Variants in TMEM150B observed in about 807,000 individuals in gnomAD.
TMEM150B encodes the protein modulator of macroautophagy TMEM150B.
TMEM150B carries 33 observed loss-of-function variants against 25.2 expected under a neutral mutation model. That is an observed-to-expected ratio of 1.31 (90% CI 0.99 to 1.75). TMEM150B has a LOEUF of 1.75. Among genes scored for constraint, TMEM150B ranks in the 40% most tolerant of loss-of-function variants. TMEM150B has a pLI of 0.00. For missense variants in TMEM150B, 322 were observed against 306.1 expected (o/e 1.05, Z -0.39); for synonymous variants, 133 against 134.8 (o/e 0.99, Z 0.09).
intron 1 of TMEM150B, chr19:55,324,679 A>T: frequency 2.1e-6 from 2 of 947,744 alleles, no homozygotes; most frequent in South Asian, 9.8e-5. Context: ...AAATAAATAA[A>T]ATAAAAAATA....
At chr19:55,312,718 C>T, downstream of TMEM150B, 2 of 946,376 alleles carry the variant, frequency 2.1e-6, no homozygotes, top group South Asian at 3.5e-5. Context: ...CACACAGGTC[C>T]TCCGGCTCCA....
At position 55,320,052 on chromosome 19, in the gene TMEM150B, A is replaced by G. The variant is rs373133465; in HGVS notation, c.311T>C (p.Val104Ala). The G allele has an allele frequency of 1.4e-5, 23 of 1,613,988 alleles. No individual in the cohort carries two copies. The African/African-American group carries it at 3.1e-4, about 22-fold the overall frequency. Residue 104 changes from valine to alanine, a missense_variant, in exon 6 of 8, where the codon GTA becomes GCA. Val to Ala is a moderately conservative substitution (Grantham distance 64). Transcript: ENST00000326652. ...ACTGGGTCTCACCTGGAAATTGCCT[A>G]CCACGGAGGTGCCCAGGGCACACAG... ...GLLCALGTSV[V>A]GNFQEKNQRP... is the part of the protein sequence containing the mutation.
At chr19:55,319,951 G>T (rs1434024853) in intron 6 of TMEM150B, 88 bp downstream of exon 6, 2 of 1,572,626 alleles carry the variant, frequency 1.3e-6, no homozygotes, top group East Asian at 2.3e-5. Context: ...CAGCCCCCGA[G>T]ACAATAAGCC....
rs1229629983 is a variant in TMEM150B, at chr19:55,321,073, G to T, written c.-37C>A. The T allele has an allele frequency of 2.0e-5, 32 of 1,597,114 alleles. No individual in the cohort carries two copies. In the Admixed American group the frequency reaches 5.6e-4, roughly 28 times the overall value. ...CAGGTGAAGGATCGGGGCTGAGGCT[G>T]GACACCTGTCTCTCTCACACCTGAA... On this transcript the variant is annotated 5_prime_UTR_variant, in exon 3 of 8. Coordinates refer to ENST00000326652, the MANE Select transcript of TMEM150B (RefSeq NM_001282011.2).
chr19:55,320,890 C>G, intron 3 of TMEM150B, 79 bp downstream of exon 3: 1 of 1,522,004 alleles, frequency 6.6e-7, no homozygotes, highest in Non-Finnish European at 8.9e-7. Context: ...CCAACCCCTT[C>G]CTCCCTCAGA....
In TMEM150B at chr19:55,325,272, C is replaced by G. The variant is rs536183198; in HGVS notation, c.-154G>C. ...AAGTTGGGAATTAGGCCCCACTCAC[C>G]GGCCACGGGTAGGTTGGGTGTCTGG... On this transcript the variant is annotated splice_region_variant and 5_prime_UTR_variant, in exon 1 of 8. Transcript: ENST00000326652. 1.0e-6 allele frequency: 1 copy of G among 985,234 alleles called. No homozygotes were observed. 61.0% of individuals were successfully genotyped at this position (985,234 alleles called of 1,614,324 possible).
intron 2 of TMEM150B, 118 bp from the exon 3 acceptor site, chr19:55,321,211 C>A: frequency 1.5e-6 from 2 of 1,356,780 alleles, no homozygotes; most frequent in Non-Finnish European, 1.9e-6. Context: ...TTGGCCAGCT[C>A]TCCATTTCCA....
At chr19:55,323,128 G>A (rs2089248918) in intron 1 of TMEM150B, among the ~76,000 whole-genome samples, 1 of 152,148 alleles carries the variant, frequency 6.6e-6, no homozygotes, top group Non-Finnish European at 1.5e-5. Context: ...CATAACATTA[G>A]CCATTTTAAA....
chr19:55,316,752 C>A (rs771857964), intron 7 of TMEM150B, 34 bp downstream of exon 7: 3 of 1,448,232 alleles, frequency 2.1e-6, no homozygotes, highest in South Asian at 3.1e-5. Context: ...TGAAGAGCCA[C>A]CTCCAAGCCC....
At position 55,322,708 on chromosome 19, in the gene TMEM150B, A is replaced by G. The variant is rs2123139894; in HGVS notation, c.-118T>C. ...TGGGGCTGGGTGAGCTCAGGGAAGAAGGGCTGGCATTCGGGGTGGGGCTCA... is the reference window on the plus strand; with the variant it reads ...TGGGGCTGGGTGAGCTCAGGGAAGAGGGGCTGGCATTCGGGGTGGGGCTCA... On this transcript the variant is annotated 5_prime_UTR_variant, in exon 2 of 8. Transcript: ENST00000326652. The G allele has an allele frequency of 2.0e-6, 2 of 985,336 alleles. No individual in the cohort carries two copies. The highest frequency in any genetic ancestry group is 4.7e-5 in the South Asian group (1 of 21,280). 61.0% of individuals were successfully genotyped at this position (985,336 alleles called of 1,614,324 possible).
chr19:55,314,796 A>G (rs2123051861), intron 7 of TMEM150B, among the ~76,000 whole-genome samples: 1 of 152,342 alleles, frequency 6.6e-6, no homozygotes. Context: ...TATTTTGTGA[A>G]GATACACTTT....
At chr19:55,318,093 G>C (rs1339707488) in intron 6 of TMEM150B, among the ~76,000 whole-genome samples, 3 of 152,200 alleles carry the variant, frequency 2.0e-5, no homozygotes, top group Non-Finnish European at 4.4e-5. Context: ...GGGCACAGTG[G>C]CTCATGCCTG....
intron 7 of TMEM150B, 120 bp downstream of exon 7, chr19:55,316,666 T>G (rs912220182): frequency 9.2e-7 from 1 of 1,092,664 alleles, no homozygotes; most frequent in Admixed American, 4.1e-5. Context: ...GCCATAATCC[T>G]GTGCAAAGAG....
At chr19:55,317,022 A>T in intron 6 of TMEM150B, 56 bp from the exon 7 acceptor site, 1 of 1,523,334 alleles carries the variant, frequency 6.6e-7, no homozygotes, top group Middle Eastern at 1.7e-4. Flanking sequence ...GGTAAGGGGC[A>T]CCAGAGGGGC....
chr19:55,317,311 C>G (rs1246864074), intron 6 of TMEM150B, among the ~76,000 whole-genome samples: 1 of 152,244 alleles, frequency 6.6e-6, no homozygotes, highest in South Asian at 2.1e-4. Context: ...TTGTATGTGA[C>G]TCACGGATAC....
chr19:55,311,799 G>A (rs1346960149), downstream of TMEM150B: 6 of 1,143,442 alleles, frequency 5.2e-6, no homozygotes, highest in African/African-American at 9.4e-5. Context: ...TGGAGCTAGA[G>A]CCTCGGGGTT....
intron 7 of TMEM150B, among the ~76,000 whole-genome samples, chr19:55,314,020 C>T (rs139188147): frequency 1.2e-4 from 19 of 152,224 alleles, no homozygotes; most frequent in African/African-American, 4.3e-4. Context: ...GGCAACAGAG[C>T]GAGACCTGGT....
intron 2 of TMEM150B, among the ~76,000 whole-genome samples, chr19:55,321,327 C>T (rs1260501754): frequency 6.7e-6 from 1 of 148,434 alleles, no homozygotes; most frequent in Non-Finnish European, 1.5e-5. Context: ...CTCCCAGCCT[C>T]TCCTTGCACC....
At chr19:55,316,653 A>G in intron 7 of TMEM150B, 133 bp downstream of exon 7, 1 of 971,298 alleles carries the variant, frequency 1.0e-6, no homozygotes, top group Non-Finnish European at 1.4e-6. Context: ...TCTCGATGAC[A>G]AAGCCATAAT....
Sources: gnomAD v4.1 joint callset for allele counts (sites outside exome capture counted in the v4.1 genomes callset) on GRCh38, gnomAD v4.1.1 for gene constraint, MANE v1.5 for transcripts, NCBI Gene and HGNC (gene_info 2026-07-23, HGNC 2026-07-21) for gene names.